TTLL5: variants seen among roughly 807,000 people sequenced by gnomAD.
TTLL5 encodes the protein tubulin tyrosine ligase like 5, also known as tubulin polyglutamylase TTLL5.
A neutral mutation model predicts 168.4 loss-of-function variants in TTLL5; 132 were observed. The ratio of observed to expected loss-of-function variants is 0.78; its 90% CI spans 0.68 to 0.91. TTLL5 has a LOEUF of 0.91. Ranked by LOEUF, TTLL5 falls within the 40% of genes least tolerant of loss-of-function variation. The pLI, the probability that TTLL5 is intolerant of heterozygous loss-of-function variation, is 0.00. For synonymous variants in TTLL5, 546 were observed against 558.6 expected, an observed-to-expected ratio of 0.98 and a Z score of 0.32; for missense variants, 1,545 against 1,581.5, an observed-to-expected ratio of 0.98 and a Z score of 0.39.
intron 27 of TTLL5, among the ~76,000 whole-genome samples, chr14:75,813,270 TTGTGTGTGTGTGTG>T (rs58821426): frequency 0.081 from 10,535 of 130,170 alleles, 674 homozygotes; most frequent in South Asian, 0.17. Flanking sequence ...GTGTGTGTGT[TTGTGTGTGTGTGTG>T]TGTGTGTGTG....
At chr14:75,755,644 G>A (rs1890209554) in intron 18 of TTLL5, among the ~76,000 whole-genome samples, 2 of 152,126 alleles carry the variant, frequency 1.3e-5, no homozygotes, top group Admixed American at 1.3e-4. Flanking sequence ...ATCTTTGTCA[G>A]TATCAAGAAC....
At chr14:75,910,176 G>A (rs951686423) in intron 31 of TTLL5, among the ~76,000 whole-genome samples, 1 of 152,278 alleles carries the variant, frequency 6.6e-6, no homozygotes, top group Non-Finnish European at 1.5e-5. Flanking sequence ...AGAGAGGAGT[G>A]ATGATTCTTC....
chr14:75,872,596 A>G (rs1170456015), intron 29 of TTLL5, among the ~76,000 whole-genome samples: 2 of 152,170 alleles, frequency 1.3e-5, no homozygotes, highest in Non-Finnish European at 2.9e-5. Flanking sequence ...CACTTAAAGC[A>G]ATGCCTGACC....
At chr14:75,832,949 T>C (rs1895662495) in intron 28 of TTLL5, among the ~76,000 whole-genome samples, 1 of 152,128 alleles carries the variant, frequency 6.6e-6, no homozygotes, top group Non-Finnish European at 1.5e-5. Context: ...ACCACCTCTG[T>C]TCTTAGGGCA....
chr14:75,871,118 A>G (rs185308750), intron 29 of TTLL5, among the ~76,000 whole-genome samples: 2 of 152,146 alleles, frequency 1.3e-5, no homozygotes, highest in Admixed American at 1.3e-4. Context: ...TCAATATCAT[A>G]TAAGTCTGAT....
At chr14:75,858,197 C>T (rs1897231339) in intron 28 of TTLL5, among the ~76,000 whole-genome samples, 1 of 152,130 alleles carries the variant, frequency 6.6e-6, no homozygotes, top group South Asian at 2.1e-4. Flanking sequence ...GACATTTCTA[C>T]TTTTTTCACT....
intron 28 of TTLL5, among the ~76,000 whole-genome samples, chr14:75,820,996 G>A (rs1894800842): frequency 6.6e-6 from 1 of 152,146 alleles, no homozygotes. Context: ...GCCCGACCAA[G>A]CCCTCACGCC....
chr14:75,791,280 C>G (rs1029382198), intron 26 of TTLL5, among the ~76,000 whole-genome samples: 1 of 151,966 alleles, frequency 6.6e-6, no homozygotes, highest in African/African-American at 2.4e-5. Context: ...TGGCAATATG[C>G]TTGAAATAAC....
Position 75,719,807 on chromosome 14 carries a change from A to G in TTLL5, c.915A>G (p.Gln305=). The G allele has an allele frequency of 6.2e-7, 1 of 1,613,976 alleles. No individual in the cohort carries two copies. Among genetic ancestry groups the G allele is most frequent in the South Asian group, 1.1e-5 (1 of 91,074 alleles). Residue 305 remains glutamine (Q), a synonymous_variant, in exon 11 of 32, where the codon CAA becomes CAG. Transcript: ENST00000298832. ...GTGCTATGCTTAGGTACCTGAAACA[A>G]GAAGGCAGAGATACAACCGGTGAGT... ...SMSAMLRYLK[Q]EGRDTTALMA...
rs148403226 is a variant in TTLL5 at position 75,930,464 on chromosome 14, A to G, written c.3824-23960A>G. ...TGGATTTTCAGATTAGGGATGTTCAACCAGTAAGTATAATGCAAATATTCT... is the reference window on the plus strand; with the variant it reads ...TGGATTTTCAGATTAGGGATGTTCAGCCAGTAAGTATAATGCAAATATTCT... On this transcript the variant is annotated intron_variant, in intron 31 of 31. Transcript: ENST00000298832. 3.0e-3 allele frequency: 1,476 copies of G among 491,616 alleles called. 4 individuals are homozygous for G. Among genetic ancestry groups the G allele is most frequent in the Non-Finnish European group, 3.6e-3 (1,367 of 378,824 alleles). The allele number at this position is 491,616 out of a possible 1,614,324, so 30.5% of individuals were successfully genotyped here.
chr14:75,742,296 C>A (rs116140816), intron 15 of TTLL5, among the ~76,000 whole-genome samples: 1 of 152,198 alleles, frequency 6.6e-6, no homozygotes, highest in African/African-American at 2.4e-5. Context: ...TTCTTACTCT[C>A]TCTTTACGTA....
At chr14:75,754,799 A>T (rs1445898314) in intron 18 of TTLL5, among the ~76,000 whole-genome samples, 1 of 152,204 alleles carries the variant, frequency 6.6e-6, no homozygotes, top group African/African-American at 2.4e-5. Context: ...TAATGAAGTC[A>T]CATTAATCCA....
intron 31 of TTLL5, among the ~76,000 whole-genome samples, chr14:75,951,004 A>T (rs995636734): frequency 2.6e-5 from 4 of 151,046 alleles, no homozygotes; most frequent in Non-Finnish European, 4.4e-5. Context: ...TTTTTAATCC[A>T]TCCTGTTTTT....
chr14:75,904,103 A>G (rs1218555233), intron 31 of TTLL5: 28 of 1,248,542 alleles, frequency 2.2e-5, no homozygotes, highest in Middle Eastern at 2.2e-4. Flanking sequence ...ACACTGATCC[A>G]TGGAAGTATG....
Position 75,759,328 on chromosome 14 carries a change from A to G in TTLL5, c.1551-5287A>G, listed in dbSNP as rs528103203. On this transcript the variant is annotated intron_variant, in intron 18 of 31. Coordinates refer to ENST00000298832, the MANE Select transcript of TTLL5 (RefSeq NM_015072.5). Reference sequence around the variant, plus strand: ...AAAGTTGGGGGCAACACCCAAACTGATACCAGCTGAAGTAGAAATTTTGAA... The same window carrying G: ...AAAGTTGGGGGCAACACCCAAACTGGTACCAGCTGAAGTAGAAATTTTGAA... Among the ~76,000 whole-genome samples the G allele has an allele frequency of 5.3e-4, 81 of 152,290 alleles. 2 individuals carry two copies. In the South Asian group the frequency reaches 0.015, roughly 28 times the overall value.
intron 2 of TTLL5, among the ~76,000 whole-genome samples, chr14:75,666,957 T>A (rs974083062): frequency 6.6e-6 from 1 of 152,216 alleles, no homozygotes; most frequent in Non-Finnish European, 1.5e-5. Flanking sequence ...CTGATGTGAA[T>A]GAGAATATAA....
At chr14:75,951,057 A>G (rs534076609) in intron 31 of TTLL5, among the ~76,000 whole-genome samples, 1 of 152,022 alleles carries the variant, frequency 6.6e-6, no homozygotes, top group South Asian at 2.1e-4. Context: ...TAAAAACCTT[A>G]TCTGGGCCAG....
At chr14:75,929,816 A>G (rs867049728) in intron 31 of TTLL5, among the ~76,000 whole-genome samples, 2 of 152,248 alleles carry the variant, frequency 1.3e-5, no homozygotes, top group South Asian at 4.1e-4. Flanking sequence ...TTTTTCCTAT[A>G]ATGCTGATTA....
At chr14:75,676,475 C>T (rs1884165026) in intron 3 of TTLL5, among the ~76,000 whole-genome samples, 1 of 152,196 alleles carries the variant, frequency 6.6e-6, no homozygotes, top group African/African-American at 2.4e-5. Context: ...ATATACTACC[C>T]ACCAGCCTTA....
Sources: allele counts gnomAD v4.1 joint callset (sites outside exome capture counted in the v4.1 genomes callset), GRCh38; gene constraint gnomAD v4.1.1; transcripts MANE v1.5; gene names NCBI Gene and HGNC (gene_info 2026-07-23, HGNC 2026-07-21).